PRELID2: variants seen among roughly 807,000 people sequenced by gnomAD.
PRELID2 encodes PRELI domain containing 2.
In PRELID2, 25 loss-of-function variants were observed where a neutral mutation model predicts 28.4. That is an observed-to-expected ratio of 0.88 (90% CI 0.64 to 1.23). The LOEUF (loss-of-function observed/expected upper bound fraction) is 1.23. PRELID2 is among the 50% of genes most tolerant of loss of function. The pLI is 0.00. For missense variants in PRELID2, 201 were observed against 214.4 expected (o/e 0.94, Z 0.39); for synonymous variants, 76 against 71.6 (o/e 1.06, Z -0.31).
chr5:145,547,828 T>C (rs1320833432), intron 1 of PRELID2, among the ~76,000 whole-genome samples: 2 of 152,218 alleles, frequency 1.3e-5, no homozygotes, highest in African/African-American at 2.4e-5. Flanking sequence ...AGCCAGCTTT[T>C]TCATCAGAGT....
At chr5:145,429,459 T>C in the PRELID2 span, among the ~76,000 whole-genome samples, 1 of 152,090 alleles carries the variant, frequency 6.6e-6, no homozygotes, top group Non-Finnish European at 1.5e-5. Flanking sequence ...GGTTTGCACA[T>C]GTTAAGCAAA....
At chr5:145,256,115 T>C in the PRELID2 span, among the ~76,000 whole-genome samples, 2 of 151,804 alleles carry the variant, frequency 1.3e-5, no homozygotes, top group African/African-American at 4.9e-5. Context: ...GTCACCAAGA[T>C]AGTGTTATTT....
intron 1 of PRELID2, among the ~76,000 whole-genome samples, chr5:145,581,339 T>G (rs1753105733): frequency 6.6e-6 from 1 of 152,072 alleles, no homozygotes; most frequent in Non-Finnish European, 1.5e-5. Flanking sequence ...AAAGTGGTTT[T>G]TATGTCTTCT....
chr5:145,816,563 C>G (rs1754320375), intron 4 of PRELID2, among the ~76,000 whole-genome samples: 1 of 152,128 alleles, frequency 6.6e-6, no homozygotes. Context: ...ATAGTTTTAA[C>G]TCTTTCATTT....
At chr5:145,309,863 T>C in the PRELID2 span, among the ~76,000 whole-genome samples, 2 of 152,206 alleles carry the variant, frequency 1.3e-5, no homozygotes, top group African/African-American at 4.8e-5. Context: ...AGCAGCCTTA[T>C]AAGAAAACGG....
the PRELID2 span, among the ~76,000 whole-genome samples, chr5:145,362,335 G>C: frequency 6.6e-6 from 1 of 152,090 alleles, no homozygotes; most frequent in African/African-American, 2.4e-5. Flanking sequence ...ATCTCGCATA[G>C]TTAGGAAGAC....
rs1755646043 is a variant in PRELID2 at position 145,832,315 on chromosome 5, C to T, written c.75+2862G>A. 3.3e-5 allele frequency among the ~76,000 whole-genome samples: 5 copies of T among 152,112 alleles called. No individual in the cohort carries two copies. The South Asian group carries it at 1.0e-3, about 32-fold the overall frequency. On this transcript the variant is annotated intron_variant, in intron 1 of 6. Transcript: ENST00000683046. Reference sequence around the variant, plus strand: ...ATTCTCATCTTAGCCTCCCGAGTAGCTGGGATTACAGGCATAGGGCACCAC... The same window carrying T: ...ATTCTCATCTTAGCCTCCCGAGTAGTTGGGATTACAGGCATAGGGCACCAC...
At chr5:145,829,057 T>A (rs11951153) in intron 1 of PRELID2, among the ~76,000 whole-genome samples, 1 of 148,882 alleles carries the variant, frequency 6.7e-6, no homozygotes, top group Non-Finnish European at 1.5e-5. Context: ...TTTGTTGTTG[T>A]TGGTGGTGGT....
At chr5:145,376,159 T>C in the PRELID2 span, among the ~76,000 whole-genome samples, 30 of 152,184 alleles carry the variant, frequency 2.0e-4, no homozygotes, top group Non-Finnish European at 3.7e-4. Context: ...AATGATGTAT[T>C]TTTTGTCCTT....
At chr5:145,408,468 T>C in the PRELID2 span, among the ~76,000 whole-genome samples, 1 of 147,204 alleles carries the variant, frequency 6.8e-6, no homozygotes, top group South Asian at 2.1e-4. Flanking sequence ...ATGTATAATA[T>C]ATATATGTAT....
chr5:145,741,046 A>G (rs930710227), intron 1 of PRELID2, among the ~76,000 whole-genome samples: 317 of 118,078 alleles, frequency 2.7e-3, no homozygotes, highest in African/African-American at 0.01. Flanking sequence ...ATTTGTATAC[A>G]AATAAAATAT....
At chr5:145,290,040 C>T in the PRELID2 span, among the ~76,000 whole-genome samples, 4 of 151,998 alleles carry the variant, frequency 2.6e-5, no homozygotes, top group Non-Finnish European at 5.9e-5. Context: ...CAAATCAAAA[C>T]CACAATGAGA....
At chr5:145,615,831 T>A (rs1303769306) in intron 1 of PRELID2, among the ~76,000 whole-genome samples, 2 of 152,224 alleles carry the variant, frequency 1.3e-5, no homozygotes, top group East Asian at 3.8e-4. Flanking sequence ...ATTTTACAAG[T>A]CCTGTAAGAT....
chr5:145,745,142 C>T (rs1334949069), intron 1 of PRELID2, among the ~76,000 whole-genome samples: 3 of 151,844 alleles, frequency 2.0e-5, no homozygotes, highest in Non-Finnish European at 2.9e-5. Flanking sequence ...TGAAATAAGG[C>T]ATGCACACAA....
chr5:145,408,587 G>A, the PRELID2 span, among the ~76,000 whole-genome samples: 7 of 150,960 alleles, frequency 4.6e-5, no homozygotes, highest in Non-Finnish European at 8.9e-5. Flanking sequence ...CAAAATACAA[G>A]GGATAGAATA....
At chr5:145,268,604 G>C in the PRELID2 span, among the ~76,000 whole-genome samples, 25 of 152,216 alleles carry the variant, frequency 1.6e-4, no homozygotes, top group African/African-American at 5.5e-4. Context: ...ATGAATGCCA[G>C]GTGCCTCTAG....
intron 1 of PRELID2, among the ~76,000 whole-genome samples, chr5:145,567,371 G>GTTTGA (rs1217299948): frequency 2.0e-5 from 3 of 152,040 alleles, no homozygotes; most frequent in South Asian, 2.1e-4. Flanking sequence ...GTTTGGTTTG[G>GTTTGA]TTTGGTTTGG....
the PRELID2 span, among the ~76,000 whole-genome samples, chr5:145,351,784 T>C: frequency 1.3e-5 from 2 of 152,082 alleles, no homozygotes; most frequent in Non-Finnish European, 2.9e-5. Flanking sequence ...CTAGATACAA[T>C]ACAGGTAGAG....
At chr5:145,497,336 A>G (rs1752317968) in intron 1 of PRELID2, among the ~76,000 whole-genome samples, 1 of 152,156 alleles carries the variant, frequency 6.6e-6, no homozygotes, top group Non-Finnish European at 1.5e-5. Context: ...AGTAGGAAAA[A>G]AATGCAAGAA....
Sources: gnomAD v4.1 joint callset for allele counts (sites outside exome capture counted in the v4.1 genomes callset) on GRCh38, gnomAD v4.1.1 for gene constraint, MANE v1.5 for transcripts, NCBI Gene and HGNC (gene_info 2026-07-23, HGNC 2026-07-21) for gene names.